CHODL: variants seen among roughly 807,000 people sequenced by gnomAD.
CHODL encodes the protein transmembrane protein MT75.
In CHODL, 29 loss-of-function variants were observed where a neutral mutation model predicts 34.5. The observed-to-expected ratio is 0.84, with a 90% CI of 0.63 to 1.15. CHODL has a LOEUF of 1.15. Among genes scored for constraint, CHODL ranks in the 50% most tolerant of loss-of-function variants. The pLI is 0.00. For missense variants in CHODL, 332 were observed against 332.5 expected (o/e 1.00, Z 0.01); for synonymous variants, 125 against 116.1 (o/e 1.08, Z -0.49).
At chr21:17,941,447 CT>C (rs75876564) in intron 1 of CHODL, among the ~76,000 whole-genome samples, 12,171 of 121,144 alleles carry the variant, frequency 0.1, 1,289 homozygotes, top group African/African-American at 0.31. Flanking sequence ...AGGAGCTGGG[CT>C]TTTTTTTTTT....
At chr21:18,248,756 AT>A (rs2074187158) in intron 1 of CHODL, among the ~76,000 whole-genome samples, 1 of 123,868 alleles carries the variant, frequency 8.1e-6, no homozygotes, top group African/African-American at 3.2e-5. Flanking sequence ...ATATATATGT[AT>A]ATATGTTATA....
intron 1 of CHODL, among the ~76,000 whole-genome samples, chr21:17,946,851 TC>T (rs2063413671): frequency 6.6e-6 from 1 of 152,188 alleles, no homozygotes; most frequent in South Asian, 2.1e-4. Flanking sequence ...TTTTATCCAT[TC>T]AGCCTTTCAA....
chr21:18,046,409 G>A (rs989352462), intron 2 of CHODL, among the ~76,000 whole-genome samples: 26 of 152,004 alleles, frequency 1.7e-4, no homozygotes, highest in Admixed American at 5.9e-4. Flanking sequence ...GCACACACCC[G>A]CCTTGTTGTC....
chr21:18,230,637 GA>G (rs547714149), intron 2 of CHODL, among the ~76,000 whole-genome samples: 382 of 152,136 alleles, frequency 2.5e-3, no homozygotes, highest in African/African-American at 8.5e-3. Flanking sequence ...GAACTTAACA[GA>G]AAATTTATGT....
chr21:18,191,393 C>T (rs769821464), intron 2 of CHODL, among the ~76,000 whole-genome samples: 14 of 152,152 alleles, frequency 9.2e-5, no homozygotes, highest in Non-Finnish European at 1.5e-4. Flanking sequence ...CACACTTTTC[C>T]TCATATGAAA....
chr21:18,015,979 G>A (rs1020493474), intron 1 of CHODL, among the ~76,000 whole-genome samples: 5 of 152,354 alleles, frequency 3.3e-5, no homozygotes, highest in African/African-American at 1.2e-4. Context: ...ATTTAAAAGG[G>A]AAGCAGAGCG....
intron 2 of CHODL, among the ~76,000 whole-genome samples, chr21:18,174,135 A>ATATCTTGG (rs1555879190): frequency 7.7e-5 from 4 of 51,766 alleles, no homozygotes; most frequent in Admixed American, 1.8e-4. Flanking sequence ...ATATATATAT[A>ATATCTTGG]TATATATATA....
In CHODL at chr21:18,038,722, A is replaced by C. The variant is rs545928598; in HGVS notation, c.-45+10751A>C. On this transcript the variant is annotated intron_variant, in intron 2 of 6. Coordinates refer to the CHODL transcript ENST00000400127. ...AACACATACTTCAGAGTAGAGGTGCATAGAAAACTTAATGACCATGAGATA... is the reference window on the plus strand; with the variant it reads ...AACACATACTTCAGAGTAGAGGTGCCTAGAAAACTTAATGACCATGAGATA... 1.2e-4 allele frequency among the ~76,000 whole-genome samples: 18 copies of C among 151,872 alleles called. No homozygotes were observed. The South Asian group carries it at 3.3e-3, about 28-fold the overall frequency.
intron 1 of CHODL, among the ~76,000 whole-genome samples, chr21:17,994,649 A>G (rs879347612): frequency 2.0e-5 from 3 of 152,076 alleles, no homozygotes; most frequent in Non-Finnish European, 2.9e-5. Context: ...GGGCAGCTTG[A>G]TTTCTAGGCT....
intron 2 of CHODL, among the ~76,000 whole-genome samples, chr21:18,089,325 AATTT>A (rs2065044377): frequency 6.6e-6 from 1 of 151,988 alleles, no homozygotes; most frequent in Admixed American, 6.6e-5. Flanking sequence ...ATTATTTATT[AATTT>A]ATCTGTTTTC....
At chr21:17,949,371 A>G (rs2063437694) in intron 1 of CHODL, among the ~76,000 whole-genome samples, 2 of 152,178 alleles carry the variant, frequency 1.3e-5, no homozygotes, top group Non-Finnish European at 2.9e-5. Context: ...TTACATGTTA[A>G]ATGTGTATTT....
intron 1 of CHODL, among the ~76,000 whole-genome samples, chr21:17,954,343 T>C (rs949553723): frequency 5.3e-5 from 8 of 151,930 alleles, no homozygotes; most frequent in Non-Finnish European, 1.2e-4. Flanking sequence ...CTTGTGAAGG[T>C]TAATTTTATG....
chr21:18,014,860 G>A (rs1038862876), intron 1 of CHODL, among the ~76,000 whole-genome samples: 4 of 152,128 alleles, frequency 2.6e-5, no homozygotes, highest in Non-Finnish European at 5.9e-5. Context: ...CAAGGCTGAG[G>A]TATTTCTTTA....
chr21:18,195,222 T>A (rs773798081), intron 2 of CHODL, among the ~76,000 whole-genome samples: 1 of 151,900 alleles, frequency 6.6e-6, no homozygotes, highest in Admixed American at 6.6e-5. Context: ...ACCTGGCTAA[T>A]TTTTTGTATT....
intron 2 of CHODL, among the ~76,000 whole-genome samples, chr21:18,160,208 G>T (rs962440823): frequency 6.6e-5 from 10 of 152,140 alleles, no homozygotes; most frequent in African/African-American, 2.4e-4. Flanking sequence ...TCTACACAGG[G>T]TTACATAACT....
intron 2 of CHODL, among the ~76,000 whole-genome samples, chr21:18,221,025 A>G (rs961984007): frequency 2.6e-5 from 4 of 152,156 alleles, no homozygotes; most frequent in African/African-American, 9.6e-5. Flanking sequence ...AACTACCAAA[A>G]TTGAAATATT....
At chr21:17,942,096 A>G (rs1435594485) in intron 1 of CHODL, among the ~76,000 whole-genome samples, 1 of 152,238 alleles carries the variant, frequency 6.6e-6, no homozygotes, top group Admixed American at 6.5e-5. Context: ...CCATTAAACA[A>G]TGCAGATAGA....
intron 1 of CHODL, among the ~76,000 whole-genome samples, chr21:17,921,176 G>A (rs2063180838): frequency 6.6e-6 from 1 of 152,202 alleles, no homozygotes; most frequent in Non-Finnish European, 1.5e-5. Context: ...GCAGGCAGAG[G>A]CTCAGGAGAG....
At chr21:18,097,281 C>T (rs1439186384) in intron 2 of CHODL, among the ~76,000 whole-genome samples, 3 of 152,190 alleles carry the variant, frequency 2.0e-5, no homozygotes, top group East Asian at 1.9e-4. Flanking sequence ...AAAGTCAAAT[C>T]ATCCTTGTTT....
Sources: allele counts gnomAD v4.1 joint callset (sites outside exome capture counted in the v4.1 genomes callset), GRCh38; gene constraint gnomAD v4.1.1; transcripts MANE v1.5; gene names NCBI Gene and HGNC (gene_info 2026-07-23, HGNC 2026-07-21).